The following SREBF2 variants were observed in gnomAD, a reference collection of about 807,000 sequenced individuals.
The protein encoded by SREBF2 is sterol regulatory element binding transcription factor 2, also known as sterol regulatory element-binding protein 2.
A neutral mutation model predicts 113.1 loss-of-function variants in SREBF2; 55 were observed. That is an observed-to-expected ratio of 0.49 (90% confidence interval 0.39 to 0.61). The LOEUF is 0.61. Ranked by LOEUF, SREBF2 falls within the 20% of genes least tolerant of loss-of-function variation. The pLI, the probability that SREBF2 is intolerant of heterozygous loss-of-function variation, is 0.00. For synonymous variants in SREBF2, 593 were observed against 605.7 expected (o/e 0.98, Z 0.31); for missense variants, 1,349 against 1,487.4 (o/e 0.91, Z 1.53).
intron 1 of SREBF2, among the ~76,000 whole-genome samples, chr22:41,864,261 T>TATATATATATACACACAC (rs1204150898): frequency 7.8e-5 from 4 of 51,002 alleles, no homozygotes; most frequent in Non-Finnish European, 1.4e-4. Flanking sequence ...TATATATATA[T>TATATATATATACACACAC]ACACACACAC....
In SREBF2 at chr22:41,875,692, G is replaced by T; in HGVS notation, c.1354G>T (p.Glu452Ter). ...CTTCTCTCCCTACTCCATTGACTCT[G>T]AGCCAGGAAGCCCTCTATTGGATGA... ...AGFSPYSIDS[E>*]PGSPLLDDAK... Residue 452 changes from glutamate (E) to a stop codon, truncating the protein, a stop_gained, in exon 7 of 19, where the codon GAG (glutamate) becomes TAG (stop). Transcript: ENST00000361204. LOFTEE classifies it high-confidence loss of function. 1 of 1,614,200 alleles carries T rather than the reference G, an allele frequency of 6.2e-7. No individual in the cohort carries two copies. Among genetic ancestry groups the T allele is most frequent in the Non-Finnish European group, 8.5e-7 (1 of 1,180,040 alleles).
At chr22:41,903,287 C>T (rs2077480485) in intron 17 of SREBF2, 132 bp downstream of exon 17, 14 of 1,120,804 alleles carry the variant, frequency 1.2e-5, no homozygotes, top group Non-Finnish European at 1.8e-5. Context: ...TGTCGAGCAC[C>T]TGCTTGGCTC....
chr22:41,904,738 C>A, intron 17 of SREBF2, 125 bp from the exon 18 acceptor site: 1 of 807,558 alleles, frequency 1.2e-6, no homozygotes, highest in Non-Finnish European at 2.1e-6. Flanking sequence ...CAGGGGTGAG[C>A]AAGGCAGGGT....
chr22:41,854,833 A>T (rs538105894), intron 1 of SREBF2, among the ~76,000 whole-genome samples: 1 of 152,100 alleles, frequency 6.6e-6, no homozygotes, highest in African/African-American at 2.4e-5. Context: ...GTGAGCTGAG[A>T]TCACACCACT....
At chr22:41,883,716 T>C (rs1050090430) in intron 10 of SREBF2, among the ~76,000 whole-genome samples, 1 of 151,608 alleles carries the variant, frequency 6.6e-6, no homozygotes, top group Non-Finnish European at 1.5e-5. Context: ...CAGAATGGAG[T>C]GTGGAGGCTG....
intron 3 of SREBF2, among the ~76,000 whole-genome samples, chr22:41,870,384 G>A (rs2077128437): frequency 6.6e-6 from 1 of 152,114 alleles, no homozygotes; most frequent in Admixed American, 6.5e-5. Flanking sequence ...AGCACTTTGG[G>A]AGGCTGAGGC....
In SREBF2 at chr22:41,875,812, C is replaced by T. The variant is rs953349082; in HGVS notation, c.1386+88C>T. ...GGGAGGTCACAGTTATGAGGCCAGGCCGCATGTTAAGAGGGCCTAGCCTGG... is the reference window on the plus strand; with the variant it reads ...GGGAGGTCACAGTTATGAGGCCAGGTCGCATGTTAAGAGGGCCTAGCCTGG... On this transcript the variant is annotated intron_variant, in intron 7 of 18. Transcript: ENST00000361204. 4.8e-6 allele frequency: 7 copies of T among 1,463,734 alleles called. No homozygotes were observed. In the African/African-American group the frequency reaches 5.6e-5, roughly 12 times the overall value. The allele number at this position is 1,463,734 out of a possible 1,614,324, so 90.7% of individuals were successfully genotyped here. A position where few individuals can be genotyped will look rare whatever the true frequency, so the allele number is the denominator to read the frequency against.
chr22:41,834,351 C>T (rs535575033), intron 1 of SREBF2: 1,764 of 150,952 alleles, frequency 0.012, 37 homozygotes, highest in African/African-American at 0.041. Flanking sequence ...TTCCTCACAA[C>T]AATCCTGTGA....
At chr22:41,854,047 A>G (rs1171702570) in intron 1 of SREBF2, among the ~76,000 whole-genome samples, 2 of 151,626 alleles carry the variant, frequency 1.3e-5, no homozygotes, top group Non-Finnish European at 2.9e-5. Context: ...AAAAAAAAAA[A>G]AAAGAAGAAA....
rs139406023 is a variant in SREBF2, at chr22:41,853,525, A to G, written c.89-13306A>G. Among the ~76,000 whole-genome samples the G allele has an allele frequency of 1.9e-3, 282 of 152,302 alleles. 1 individual carries two copies. The highest frequency in any genetic ancestry group is 6.6e-3 in the African/African-American group (274 of 41,562). ...CAAACCATATTGTGATCCTTTCACT[A>G]ACTCTTTGAGGTCAAGGACTAATTT... On this transcript the variant is annotated intron_variant, in intron 1 of 18. Coordinates refer to ENST00000361204, the MANE Select transcript of SREBF2 (RefSeq NM_004599.4).
chr22:41,867,253 T>A lies in SREBF2; in HGVS notation c.511T>A (p.Tyr171Asn), dbSNP rs748374316. 1 of 1,614,128 alleles carries A rather than the reference T, an allele frequency of 6.2e-7. No individual in the cohort carries two copies. Among genetic ancestry groups the A allele is most frequent in the South Asian group, 1.1e-5 (1 of 91,088 alleles). ...GAGGATCATCCAGCAGCCTTTGATA[T>A]ACCAGAATGCAGCTACTAGCTTTCA... ...QTRIIQQPLIYQNAATSFQVL... is the reference protein window; with the variant it reads ...QTRIIQQPLINQNAATSFQVL... The change falls in exon 2 of 19, where the codon TAC (tyrosine) becomes AAC (asparagine). Residue 171 changes from tyrosine (Y) to asparagine (N), a missense_variant. By Grantham distance (143) the Tyr-to-Asn change is moderately radical. This residue lies in a region of SREBF2 where 699 missense variants were observed against 843.3 expected (regional missense o/e 0.83). Coordinates refer to ENST00000361204, the MANE Select transcript of SREBF2 (RefSeq NM_004599.4).
chr22:41,899,003 C>T (rs1047897910), intron 15 of SREBF2: 11 of 693,324 alleles, frequency 1.6e-5, no homozygotes, highest in Non-Finnish European at 2.6e-5. Flanking sequence ...CGACAGTTGT[C>T]CCAGCAGCTG....
At position 41,906,511 on chromosome 22, in the gene SREBF2, C is replaced by A. The variant is rs761527639; in HGVS notation, c.*851C>A. On this transcript the variant is annotated 3_prime_UTR_variant, in exon 19 of 19. Coordinates refer to ENST00000361204, the MANE Select transcript of SREBF2 (RefSeq NM_004599.4). ...AGCATGGCTTCTAGGTTCCCTCCTC[C>A]CCCTACCCCATCTCCTACCTCCACA... is the stretch of plus-strand genomic sequence containing the variant. 2 of 160,304 alleles carry A rather than the reference C, an allele frequency of 1.2e-5. No individual in the cohort carries two copies. Among genetic ancestry groups the A allele is most frequent in the African/African-American group, 4.8e-5 (2 of 41,458 alleles). The allele number at this position is 160,304 out of a possible 1,614,324, so 9.9% of individuals were successfully genotyped here. A position where few individuals can be genotyped will look rare whatever the true frequency, so the allele number is the denominator to read the frequency against.
intron 17 of SREBF2, chr22:41,904,387 T>A (rs572329575): frequency 3.0e-4 from 106 of 355,664 alleles, no homozygotes; most frequent in South Asian, 2.2e-3. Context: ...GGCTCATACC[T>A]AAGCGCTGCA....
At position 41,889,824 on chromosome 22, in the gene SREBF2, A is replaced by G. The variant is rs529732621; in HGVS notation, c.2209-3293A>G. Among the ~76,000 whole-genome samples the G allele has an allele frequency of 8.5e-5, 13 of 152,072 alleles. No homozygotes were observed. The East Asian group carries it at 2.3e-3, about 27-fold the overall frequency. On this transcript the variant is annotated intron_variant, in intron 11 of 18. Coordinates refer to ENST00000361204, the MANE Select transcript of SREBF2 (RefSeq NM_004599.4). ...GAGACCAGCCTGGCCAACATGATGAAACTCCGTGTCTACTAAAAATACAAA... is the reference window on the plus strand; with the variant it reads ...GAGACCAGCCTGGCCAACATGATGAGACTCCGTGTCTACTAAAAATACAAA...
chr22:41,893,378 T>G, intron 12 of SREBF2, 93 bp downstream of exon 12: 1 of 1,383,258 alleles, frequency 7.2e-7, no homozygotes, highest in Non-Finnish European at 1.0e-6. Flanking sequence ...GAGACACGGG[T>G]TGTCTCTTAA....
chr22:41,838,676 T>C (rs982896196), intron 1 of SREBF2, among the ~76,000 whole-genome samples: 1 of 152,128 alleles, frequency 6.6e-6, no homozygotes, highest in Non-Finnish European at 1.5e-5. Context: ...GAGGTTGCAG[T>C]GAACCCAGAT....
In SREBF2 at chr22:41,839,143, A is replaced by T. The variant is rs73885836; in HGVS notation, c.88+5785A>T. Among the ~76,000 whole-genome samples the T allele has an allele frequency of 7.2e-3, 1,097 of 152,284 alleles. 18 individuals carry two copies. Among genetic ancestry groups the T allele is most frequent in the African/African-American group, 0.025 (1,050 of 41,546 alleles). The stretch of plus-strand genomic sequence containing the variant: ...AGGCTTGTCCCTGAAGGCAGAGCAG[A>T]GGGAGAATTCTAAGATCCCATTAAG... On this transcript the variant is annotated intron_variant, in intron 1 of 18. Coordinates refer to ENST00000361204, the MANE Select transcript of SREBF2 (RefSeq NM_004599.4).
At chr22:41,849,377 A>G (rs1324574666) in intron 1 of SREBF2, among the ~76,000 whole-genome samples, 1 of 151,896 alleles carries the variant, frequency 6.6e-6, no homozygotes, top group Non-Finnish European at 1.5e-5. Flanking sequence ...TTTTTAGAGA[A>G]ATGGGGTTTC....
Sources: gnomAD v4.1 joint callset for allele counts (sites outside exome capture counted in the v4.1 genomes callset) on GRCh38, gnomAD v4.1.1 for gene constraint, gnomAD v4.1.1 regional missense constraint, MANE v1.5 for transcripts, NCBI Gene and HGNC (gene_info 2026-07-23, HGNC 2026-07-21) for gene names.